The following XRCC4 variants were observed in gnomAD, a reference collection of about 807,000 sequenced individuals.
The protein encoded by XRCC4 is X-ray repair cross complementing 4.
In XRCC4, 28 loss-of-function variants were observed where a neutral mutation model predicts 39.1. The ratio of observed to expected loss-of-function variants is 0.72; its 90% CI spans 0.53 to 0.98. The LOEUF is 0.98. Ranked by LOEUF, XRCC4 falls within the 50% of genes least tolerant of loss-of-function variation. XRCC4 has a pLI of 0.00. For synonymous variants in XRCC4, 123 were observed against 126.4 expected, an observed-to-expected ratio of 0.97 and a Z score of 0.18; for missense variants, 350 against 376.4, an observed-to-expected ratio of 0.93 and a Z score of 0.58.
intron 7 of XRCC4, among the ~76,000 whole-genome samples, chr5:83,267,290 TGAAA>T (rs1248042378): frequency 6.6e-6 from 1 of 152,156 alleles, no homozygotes. Context: ...AGGTATAAAC[TGAAA>T]GAAAGAGAGT....
At chr5:83,332,769 T>C (rs1756477181) in intron 7 of XRCC4, among the ~76,000 whole-genome samples, 1 of 152,126 alleles carries the variant, frequency 6.6e-6, no homozygotes, top group Admixed American at 6.6e-5. Flanking sequence ...ATGAGGGAAG[T>C]AGCATTTTAG....
chr5:83,357,361 G>A (rs1208598920), downstream of XRCC4, among the ~76,000 whole-genome samples: 1 of 152,150 alleles, frequency 6.6e-6, no homozygotes, highest in Non-Finnish European at 1.5e-5. Context: ...ATATGAAGGA[G>A]TGGTAGTCCA....
intron 6 of XRCC4, among the ~76,000 whole-genome samples, chr5:83,235,661 G>A (rs1414156357): frequency 2.0e-5 from 3 of 152,098 alleles, no homozygotes; most frequent in African/African-American, 7.2e-5. Flanking sequence ...GAACAAAAAA[G>A]GATGCCCACT....
chr5:83,247,941 T>G (rs1213800819), intron 6 of XRCC4, among the ~76,000 whole-genome samples: 1 of 152,206 alleles, frequency 6.6e-6, no homozygotes, highest in Non-Finnish European at 1.5e-5. Context: ...TCAGTGACCT[T>G]TACCACTTCT....
intron 1 of XRCC4, among the ~76,000 whole-genome samples, chr5:83,104,446 T>A (rs1296364251): frequency 7.9e-5 from 12 of 152,258 alleles, no homozygotes; most frequent in Middle Eastern, 6.8e-3. Flanking sequence ...GGAAAAGAAG[T>A]GGTAAAATTT....
chr5:83,291,750 CAGCTCATT>C (rs1290533125), intron 7 of XRCC4, among the ~76,000 whole-genome samples: 2 of 151,724 alleles, frequency 1.3e-5, no homozygotes, highest in Non-Finnish European at 2.9e-5. Flanking sequence ...TCCTCTGTAA[CAGCTCATT>C]TGGAGGCACT....
chr5:83,136,118 G>A (rs1219859369), intron 3 of XRCC4, among the ~76,000 whole-genome samples: 2 of 151,980 alleles, frequency 1.3e-5, no homozygotes, highest in Non-Finnish European at 2.9e-5. Flanking sequence ...ATTTTACCCC[G>A]CTATTGAGGC....
At chr5:83,333,622 T>G (rs1756504123) in intron 7 of XRCC4, among the ~76,000 whole-genome samples, 1 of 152,204 alleles carries the variant, frequency 6.6e-6, no homozygotes, top group Non-Finnish European at 1.5e-5. Flanking sequence ...TGAGGTCCAC[T>G]TCTCATGCAT....
At chr5:83,108,430 T>A (rs1746298802) in intron 2 of XRCC4, among the ~76,000 whole-genome samples, 2 of 151,938 alleles carry the variant, frequency 1.3e-5, no homozygotes, top group South Asian at 4.1e-4. Flanking sequence ...AAATTAAATA[T>A]TCCGTAATAA....
chr5:83,303,883 G>T (rs573801650), intron 7 of XRCC4, among the ~76,000 whole-genome samples: 2 of 152,146 alleles, frequency 1.3e-5, no homozygotes, highest in East Asian at 3.9e-4. Flanking sequence ...GGCAAATAAG[G>T]GAACAGTTTT....
chr5:83,129,570 A>G (rs1223242501), intron 3 of XRCC4, among the ~76,000 whole-genome samples: 5 of 152,012 alleles, frequency 3.3e-5, no homozygotes, highest in African/African-American at 1.2e-4. Flanking sequence ...CTTGGGCAGT[A>G]TGGCCATTTT....
intron 6 of XRCC4, among the ~76,000 whole-genome samples, chr5:83,236,191 A>T (rs1304770193): frequency 6.6e-6 from 1 of 152,152 alleles, no homozygotes; most frequent in Admixed American, 6.6e-5. Context: ...TACCAATGAC[A>T]TATTCACAGA....
intron 6 of XRCC4, among the ~76,000 whole-genome samples, chr5:83,215,700 A>G (rs1330869086): frequency 6.6e-6 from 1 of 152,224 alleles, no homozygotes; most frequent in Non-Finnish European, 1.5e-5. Context: ...TCCTCAGCAC[A>G]GCTGCGAAGA....
chr5:83,351,092 A>AGT (rs1757068470), intron 7 of XRCC4, among the ~76,000 whole-genome samples: 1 of 152,040 alleles, frequency 6.6e-6, no homozygotes, highest in Non-Finnish European at 1.5e-5. Context: ...CATGATAGTG[A>AGT]GTGAGTTCTC....
intron 4 of XRCC4, among the ~76,000 whole-genome samples, chr5:83,198,188 G>A (rs1481389324): frequency 2.0e-5 from 3 of 152,124 alleles, no homozygotes; most frequent in African/African-American, 7.2e-5. Context: ...CCTGGCAATA[G>A]TTAATTTTGG....
chr5:83,128,664 T>A (rs1314581002), intron 3 of XRCC4, among the ~76,000 whole-genome samples: 2 of 152,202 alleles, frequency 1.3e-5, no homozygotes, highest in Non-Finnish European at 2.9e-5. Context: ...ATGATCGCCA[T>A]TCTAACTGGT....
intron 7 of XRCC4, among the ~76,000 whole-genome samples, chr5:83,333,600 G>C (rs1404072254): frequency 6.6e-6 from 1 of 152,082 alleles, no homozygotes; most frequent in Admixed American, 6.6e-5. Context: ...AACACTCAGT[G>C]TATAATATTT....
At chr5:83,251,987 G>C (rs962820447) in intron 6 of XRCC4, among the ~76,000 whole-genome samples, 4 of 152,186 alleles carry the variant, frequency 2.6e-5, no homozygotes, top group Non-Finnish European at 4.4e-5. Context: ...TTTGATAAAT[G>C]GCATGGAAAA....
At chr5:83,313,072 CT>C (rs1364991058) in intron 7 of XRCC4, among the ~76,000 whole-genome samples, 6 of 101,854 alleles carry the variant, frequency 5.9e-5, no homozygotes, top group South Asian at 3.3e-4. Context: ...TTTTTCTTTT[CT>C]TTTCTTTCTT....
Sources: allele counts gnomAD v4.1 joint callset (sites outside exome capture counted in the v4.1 genomes callset), GRCh38; gene constraint gnomAD v4.1.1; transcripts MANE v1.5; gene names NCBI Gene and HGNC (gene_info 2026-07-23, HGNC 2026-07-21).